Variants in KCND2 observed in about 807,000 individuals in gnomAD.
KCND2 encodes the protein A-type voltage-gated potassium channel KCND2.
In KCND2, 16 loss-of-function variants were observed where a neutral mutation model predicts 54.4. That is an observed-to-expected ratio of 0.29 (90% confidence interval 0.20 to 0.45). The LOEUF is 0.45. KCND2 is among the 20% of genes least tolerant of loss of function. The pLI is 1.00. For synonymous variants in KCND2, 317 were observed against 310.7 expected, an observed-to-expected ratio of 1.02 and a Z score of -0.21; for missense variants, 486 against 824.2, an observed-to-expected ratio of 0.59 and a Z score of 5.02.
chr7:120,733,432 C>T (rs920782758), intron 2 of KCND2, among the ~76,000 whole-genome samples: 1 of 152,098 alleles, frequency 6.6e-6, no homozygotes, highest in Non-Finnish European at 1.5e-5. Context: ...AAGCAAATCA[C>T]ACAGCAATGT....
chr7:120,387,515 A>T (rs1350312619), intron 1 of KCND2, among the ~76,000 whole-genome samples: 5 of 152,052 alleles, frequency 3.3e-5, no homozygotes. Flanking sequence ...ATAAATTTTA[A>T]GCACATGGTA....
chr7:120,635,249 A>C (rs1446486028), intron 1 of KCND2, among the ~76,000 whole-genome samples: 1 of 152,178 alleles, frequency 6.6e-6, no homozygotes, highest in Non-Finnish European at 1.5e-5. Flanking sequence ...TATTTCAAAA[A>C]CTGATGTAGC....
intron 1 of KCND2, among the ~76,000 whole-genome samples, chr7:120,515,402 A>T (rs1480172195): frequency 6.6e-6 from 1 of 152,128 alleles, no homozygotes; most frequent in Non-Finnish European, 1.5e-5. Context: ...GAGATAATTT[A>T]TATTAGAAAT....
chr7:120,557,490 T>A (rs990916069), intron 1 of KCND2, among the ~76,000 whole-genome samples: 1 of 152,134 alleles, frequency 6.6e-6, no homozygotes, highest in African/African-American at 2.4e-5. Flanking sequence ...CAGTTTCACT[T>A]CCCTGCCTTT....
At chr7:120,487,123 C>G (rs578071241) in intron 1 of KCND2, among the ~76,000 whole-genome samples, 18 of 152,272 alleles carry the variant, frequency 1.2e-4, no homozygotes, top group African/African-American at 4.1e-4. Context: ...CTGGCTCCCC[C>G]CAATGCCTGG....
At chr7:120,309,474 T>TACAC (rs1209573900) in intron 1 of KCND2, among the ~76,000 whole-genome samples, 14 of 113,272 alleles carry the variant, frequency 1.2e-4, no homozygotes, top group African/African-American at 4.7e-4. Context: ...TATATATATA[T>TACAC]ACACACACAC....
chr7:120,484,732 C>A (rs1458802329), intron 1 of KCND2, among the ~76,000 whole-genome samples: 1 of 148,620 alleles, frequency 6.7e-6, no homozygotes, highest in Non-Finnish European at 1.5e-5. Flanking sequence ...CACACACACA[C>A]AAAGAATTTC....
intron 1 of KCND2, among the ~76,000 whole-genome samples, chr7:120,613,796 G>T (rs1401815174): frequency 6.6e-6 from 1 of 152,060 alleles, no homozygotes; most frequent in Non-Finnish European, 1.5e-5. Context: ...TGCCTAAATG[G>T]TAGCTCCCAC....
intron 1 of KCND2, among the ~76,000 whole-genome samples, chr7:120,438,796 TG>T (rs1434805228): frequency 1.1e-4 from 17 of 152,316 alleles, no homozygotes; most frequent in African/African-American, 4.1e-4. Flanking sequence ...CAGATTTTAT[TG>T]TGCTCATTCA....
intron 1 of KCND2, among the ~76,000 whole-genome samples, chr7:120,691,663 G>A (rs1792270102): frequency 6.6e-6 from 1 of 152,136 alleles, no homozygotes; most frequent in East Asian, 1.9e-4. Context: ...GGCTATGTGA[G>A]TCTAGAACCC....
At chr7:120,693,609 A>T (rs6466755) in intron 1 of KCND2, among the ~76,000 whole-genome samples, 28,275 of 152,132 alleles carry the variant, frequency 0.19, 3,029 homozygotes, top group African/African-American at 0.28. Flanking sequence ...CAGGGAAGTT[A>T]ACTGGCTTCC....
intron 1 of KCND2, among the ~76,000 whole-genome samples, chr7:120,428,217 C>G (rs1045101681): frequency 6.6e-6 from 1 of 152,202 alleles, no homozygotes; most frequent in Admixed American, 6.5e-5. Context: ...CAACACATAA[C>G]TACTTTAGTT....
intron 1 of KCND2, among the ~76,000 whole-genome samples, chr7:120,344,986 G>A (rs1384117511): frequency 6.6e-6 from 1 of 152,072 alleles, no homozygotes; most frequent in Admixed American, 6.5e-5. Flanking sequence ...ACAAAATGGT[G>A]GCCCAAAGGA....
At chr7:120,423,123 T>C (rs529360661) in intron 1 of KCND2, among the ~76,000 whole-genome samples, 36 of 152,208 alleles carry the variant, frequency 2.4e-4, no homozygotes, top group Admixed American at 5.2e-4. Context: ...TTGTTCAGTT[T>C]TCACTACCTT....
chr7:120,553,043 T>C (rs1345376161), intron 1 of KCND2, among the ~76,000 whole-genome samples: 2 of 152,198 alleles, frequency 1.3e-5, no homozygotes, highest in East Asian at 3.8e-4. Context: ...TTTTCATTGG[T>C]GAAGACACTT....
chr7:120,539,966 G>A (rs1791959917), intron 1 of KCND2, among the ~76,000 whole-genome samples: 2 of 152,134 alleles, frequency 1.3e-5, no homozygotes, highest in Non-Finnish European at 2.9e-5. Context: ...TGCCTGCCGT[G>A]CCAGAGACGA....
intron 1 of KCND2, among the ~76,000 whole-genome samples, chr7:120,394,295 A>G (rs1801120971): frequency 6.6e-6 from 1 of 151,950 alleles, no homozygotes; most frequent in Non-Finnish European, 1.5e-5. Context: ...GGATGCAATC[A>G]TAGGGGTGTG....
chr7:120,647,304 C>G (rs1275113690), intron 1 of KCND2, among the ~76,000 whole-genome samples: 2 of 152,208 alleles, frequency 1.3e-5, no homozygotes, highest in Non-Finnish European at 2.9e-5. Flanking sequence ...TGCCCTTGAA[C>G]TCAGTTCTCT....
At chr7:120,576,935 T>C (rs959940870) in intron 1 of KCND2, among the ~76,000 whole-genome samples, 1 of 152,146 alleles carries the variant, frequency 6.6e-6, no homozygotes, top group African/African-American at 2.4e-5. Context: ...TTGCCTGAGC[T>C]CAGGAGTTCA....
Sources: gnomAD v4.1 joint callset for allele counts (sites outside exome capture counted in the v4.1 genomes callset) on GRCh38, gnomAD v4.1.1 for gene constraint, MANE v1.5 for transcripts, NCBI Gene and HGNC (gene_info 2026-07-23, HGNC 2026-07-21) for gene names.